Variants in DPYSL4 observed in about 807,000 individuals in gnomAD.
The protein encoded by DPYSL4 is dihydropyrimidinase-related protein 4.
A neutral mutation model predicts 63.4 loss-of-function variants in DPYSL4; 43 were observed. The ratio of observed to expected loss-of-function variants is 0.68; its 90% confidence interval spans 0.53 to 0.88. DPYSL4 has a LOEUF of 0.88. DPYSL4 is among the 40% of genes least tolerant of loss of function. DPYSL4 has a pLI of 0.00. For synonymous variants in DPYSL4, 353 were observed against 331.7 expected (o/e 1.06, Z -0.70); for missense variants, 733 against 819.5 (o/e 0.89, Z 1.29).
At chr10:132,199,761 C>G (rs931384173) in intron 8 of DPYSL4, among the ~76,000 whole-genome samples, 16 of 152,066 alleles carry the variant, frequency 1.1e-4, no homozygotes, top group South Asian at 2.1e-4. Flanking sequence ...CTGAAACCCA[C>G]TCAGTTAACT....
At chr10:132,201,320 C>T (rs2062015455) in intron 10 of DPYSL4, among the ~76,000 whole-genome samples, 1 of 152,164 alleles carries the variant, frequency 6.6e-6, no homozygotes, top group Admixed American at 6.5e-5. Flanking sequence ...ACCCGTCGCA[C>T]ACCGCCCTGT....
chr10:132,197,123 G>C, intron 6 of DPYSL4, 22 bp downstream of exon 6: 2 of 1,478,008 alleles, frequency 1.4e-6, no homozygotes, highest in Non-Finnish European at 1.8e-6. Flanking sequence ...CAGGGCTGCC[G>C]TGGGGCAGGC....
intron 1 of DPYSL4, 95 bp from the exon 2 acceptor site, chr10:132,190,652 A>G (rs771781117): frequency 1.6e-6 from 2 of 1,247,544 alleles, no homozygotes; most frequent in Non-Finnish European, 2.2e-6. Context: ...TTTTGCCTGA[A>G]TGTTTCAGTC....
At chr10:132,192,440 G>A (rs560986958) in intron 2 of DPYSL4, 79 of 1,205,908 alleles carry the variant, frequency 6.6e-5, no homozygotes, top group Middle Eastern at 6.5e-4. Context: ...TGGCGTCTGC[G>A]TGAGGCTGGA....
Position 132,202,824 on chromosome 10 carries a change from G to A in DPYSL4, c.1460G>A (p.Arg487Lys), listed in dbSNP as rs756982441. ...TACAAGAGGATCAAAGCTCGCAACA[G>A]GGTAGGGCGGCACCCGCAAGGGTGT... ...FVYKRIKARNRLAEIHGVPRG... is the reference protein window; with the variant it reads ...FVYKRIKARNKLAEIHGVPRG... Residue 487 changes from arginine (R) to lysine (K), a missense_variant and splice_region_variant, in exon 12 of 14, where the codon AGG becomes AAG. Transcript: ENST00000338492. The A allele has an allele frequency of 4.4e-6, 7 of 1,588,160 alleles. No homozygotes were observed. The highest frequency in any genetic ancestry group is 5.1e-6 in the Non-Finnish European group (6 of 1,165,980).
In DPYSL4 at chr10:132,205,076, C is replaced by G; in HGVS notation, c.*146C>G. The G allele has an allele frequency of 1.8e-6, 1 of 569,546 alleles. No homozygotes were observed. The highest frequency in any genetic ancestry group is 2.9e-5 in the South Asian group (1 of 34,582). 35.3% of individuals were successfully genotyped at this position (569,546 alleles called of 1,614,324 possible). Reference sequence around the variant, plus strand: ...CTTGCCTTCCCCCTCCCCACAGGCTCTCCTTGTGGGGTCCCAGGTCCTGCT... The same window carrying G: ...CTTGCCTTCCCCCTCCCCACAGGCTGTCCTTGTGGGGTCCCAGGTCCTGCT... On this transcript the variant is annotated 3_prime_UTR_variant, in exon 14 of 14. Coordinates refer to ENST00000338492, the MANE Select transcript of DPYSL4 (RefSeq NM_006426.3).
At position 132,190,849 on chromosome 10, in the gene DPYSL4, G is replaced by A. The variant is rs372435685; in HGVS notation, c.128+14G>A. The A allele has an allele frequency of 1.9e-4, 303 of 1,611,532 alleles. No homozygotes were observed. Among genetic ancestry groups the A allele is most frequent in the Middle Eastern group, 1.2e-3 (7 of 6,042 alleles). On this transcript the variant is annotated intron_variant, in intron 2 of 13. Transcript: ENST00000338492. ...TGGCTTGATAAAGTAAGTTTCCGCC[G>A]AAAATGAAAATACGTTCCCAGCTCG...
rs538865163 is a variant in DPYSL4 at position 132,187,117 on chromosome 10, G to A, written c.39+15G>A. On this transcript the variant is annotated intron_variant, in intron 1 of 13. Transcript: ENST00000338492. Reference sequence around the variant, plus strand: ...CCCGGATCACGGTGAGCCCGGTCCCGCTTCGCCCGGCGCCCCCTGCCCGCC... The same window carrying A: ...CCCGGATCACGGTGAGCCCGGTCCCACTTCGCCCGGCGCCCCCTGCCCGCC... The A allele has an allele frequency of 2.7e-6, 4 of 1,502,008 alleles. No individual in the cohort carries two copies. Among genetic ancestry groups the A allele is most frequent in the African/African-American group, 2.9e-5 (2 of 69,324 alleles). 93.0% of individuals were successfully genotyped at this position (1,502,008 alleles called of 1,614,324 possible).
intron 8 of DPYSL4, 47 bp downstream of exon 8, chr10:132,199,018 C>T (rs2061979655): frequency 1.0e-5 from 16 of 1,592,156 alleles, no homozygotes; most frequent in Admixed American, 1.7e-5. Flanking sequence ...ATGGTCTCGG[C>T]CTCCTGGGTG....
chr10:132,200,398 C>T lies in DPYSL4; in HGVS notation c.854C>T (p.Thr285Ile). The part of the protein sequence containing the change: ...FGEPITASLG[T>I]DGSHYWSKNW... ...GAGCCCATCACCGCCAGCCTGGGCA[C>T]CGACGGTTCACACTACTGGAGCAAG... Residue 285 changes from threonine (T) to isoleucine (I), a missense_variant, in exon 9 of 14, where the codon ACC becomes ATC. By Grantham distance (89) the Thr-to-Ile change is moderately conservative. Coordinates refer to ENST00000338492, the MANE Select transcript of DPYSL4 (RefSeq NM_006426.3). 2 of 1,613,500 alleles carry T rather than the reference C, an allele frequency of 1.2e-6. No individual in the cohort carries two copies. The highest frequency in any genetic ancestry group is 1.7e-6 in the Non-Finnish European group (2 of 1,179,914).
rs377458268 is a variant in DPYSL4 at position 132,192,860 on chromosome 10, C to T, written c.313+18C>T. The T allele has an allele frequency of 4.2e-4, 673 of 1,592,466 alleles. No individual in the cohort carries two copies. Among genetic ancestry groups the T allele is most frequent in the Non-Finnish European group, 5.5e-4 (647 of 1,168,508 alleles). On this transcript the variant is annotated intron_variant, in intron 3 of 13. Coordinates refer to ENST00000338492, the MANE Select transcript of DPYSL4 (RefSeq NM_006426.3). ...CATGATCTGTGAGTGTCTGGGTCTC[C>T]TCCTCTACAGGGGGCAGCCAGCGTC...
chr10:132,199,021 C>A, intron 8 of DPYSL4, 50 bp downstream of exon 8: 1 of 1,590,230 alleles, frequency 6.3e-7, no homozygotes, highest in Non-Finnish European at 8.6e-7. Flanking sequence ...GTCTCGGCCT[C>A]CTGGGTGCAG....
At chr10:132,200,708 C>T (rs1450660350) in intron 9 of DPYSL4, 134 bp from the exon 10 acceptor site, 4 of 1,377,544 alleles carry the variant, frequency 2.9e-6, no homozygotes, top group South Asian at 2.9e-5. Context: ...TGCACAGAGG[C>T]ACCAGCTCTG....
rs1185106242 is a variant in DPYSL4, at chr10:132,187,325, GGCCCGGCCCGGCCCGGCCCT to G, written c.39+233_39+252del. 4.9e-3 allele frequency among the ~76,000 whole-genome samples: 66 copies of G among 13,584 alleles called. 1 individual carries two copies. Among genetic ancestry groups the G allele is most frequent in the South Asian group, 8.4e-3 (3 of 356 alleles). The allele number at this position is 13,584 out of a possible 152,430, so 8.9% of individuals were successfully genotyped here. On this transcript the variant is annotated intron_variant, in intron 1 of 13. Transcript: ENST00000338492. ...ACCCCCTTAAGGAGCGGGGCGCCCAGGCCCGGCCCGGCCCGGCCCTGCCCGGCCCTGCCGGGCCCTGCCGG... is the reference window on the plus strand; with the variant it reads ...ACCCCCTTAAGGAGCGGGGCGCCCAGGCCCGGCCCTGCCGGGCCCTGCCGG...
rs201565995 is a variant in DPYSL4 at position 132,204,918 on chromosome 10, C to G, written c.1707C>G (p.Thr569=). Reference sequence around the variant, plus strand: ...CACCTGGCGGCCGCTCCAACATCACCTCTCTCTCCTAGACGCCCAGGACCG... The same window carrying G: ...CACCTGGCGGCCGCTCCAACATCACGTCTCTCTCCTAGACGCCCAGGACCG... ...MAPPGGRSNI[T]SLS The change falls in exon 14 of 14, where the codon ACC becomes ACG. Residue 569 remains threonine (T), a synonymous_variant. Transcript: ENST00000338492. 1 of 1,611,308 alleles carries G rather than the reference C, an allele frequency of 6.2e-7. No homozygotes were observed. Among genetic ancestry groups the G allele is most frequent in the African/African-American group, 1.3e-5 (1 of 75,002 alleles).
Position 132,203,819 on chromosome 10 carries a change from A to G in DPYSL4, c.1519A>G (p.Met507Val). 1.2e-6 allele frequency: 2 copies of G among 1,612,586 alleles called. No individual in the cohort carries two copies. Among genetic ancestry groups the G allele is most frequent in the Non-Finnish European group, 1.7e-6 (2 of 1,179,746 alleles). Residue 507 changes from methionine (M) to valine (V), a missense_variant, in exon 13 of 14, where the codon ATG (methionine) becomes GTG (valine). Coordinates refer to ENST00000338492, the MANE Select transcript of DPYSL4 (RefSeq NM_006426.3). ...GLYDGPVHEV[M>V]VPAKPGSGAP... Reference sequence around the variant, plus strand: ...GTATGACGGGCCCGTCCACGAGGTGATGGTGCCTGCCAAGCCAGGGAGTGG... The same window carrying G: ...GTATGACGGGCCCGTCCACGAGGTGGTGGTGCCTGCCAAGCCAGGGAGTGG...
intron 6 of DPYSL4, among the ~76,000 whole-genome samples, chr10:132,197,820 C>T (rs951426347): frequency 1.3e-5 from 2 of 152,220 alleles, no homozygotes; most frequent in East Asian, 1.9e-4. Flanking sequence ...TCCACCCGTC[C>T]AGCTGTGAGG....
chr10:132,193,611 C>T (rs1231573862), intron 3 of DPYSL4, among the ~76,000 whole-genome samples: 1 of 152,272 alleles, frequency 6.6e-6, no homozygotes, highest in Non-Finnish European at 1.5e-5. Context: ...ACAGACATCG[C>T]TGCTGTGGTT....
At position 132,202,657 on chromosome 10, in the gene DPYSL4, C is replaced by T. The variant is rs1377828310; in HGVS notation, c.1293C>T (p.Tyr431=). The part of the protein sequence containing the change: ...SAKTHNLNVE[Y]NIFEGVECRG... ...GCCTCTCTCCCCAGAACGTGGAGTA[C>T]AACATCTTCGAGGGAGTGGAGTGCC... The change falls in exon 12 of 14, where the codon TAC becomes TAT. Residue 431 remains tyrosine, a synonymous_variant. Transcript: ENST00000338492. 1.2e-6 allele frequency: 2 copies of T among 1,612,642 alleles called. No homozygotes were observed. The highest frequency in any genetic ancestry group is 2.7e-5 in the African/African-American group (2 of 74,940).
Sources: allele counts gnomAD v4.1 joint callset (sites outside exome capture counted in the v4.1 genomes callset), GRCh38; gene constraint gnomAD v4.1.1; transcripts MANE v1.5; gene names NCBI Gene and HGNC (gene_info 2026-07-23, HGNC 2026-07-21).